Variants in FBXO38 observed in about 807,000 individuals in gnomAD.
FBXO38 encodes the protein F-box only protein 38.
FBXO38 carries 53 observed loss-of-function variants against 131.9 expected under a neutral mutation model. The ratio of observed to expected loss-of-function variants is 0.40; its 90% CI spans 0.32 to 0.51. The LOEUF (loss-of-function observed/expected upper bound fraction) is 0.51. Among genes scored for constraint, FBXO38 ranks in the 20% least tolerant of loss-of-function variants. The pLI, the probability that FBXO38 is intolerant of heterozygous loss-of-function variation, is 0.53. For missense variants in FBXO38, 1,076 were observed against 1,475.6 expected (o/e 0.73, Z 4.44); for synonymous variants, 452 against 505.6 (o/e 0.89, Z 1.42).
chr5:148,406,109 C>A, intron 6 of FBXO38, 148 bp from the exon 7 acceptor site: 1 of 685,910 alleles, frequency 1.5e-6, no homozygotes, highest in South Asian at 2.7e-5. Context: ...CTAACACTTT[C>A]ATTTGTAACA....
rs1382575969 is a variant in FBXO38 at position 148,394,923 on chromosome 5, G to C, written c.128+19G>C. ...TTTTTAGGTAAGATTGTGTTTGGTT[G>C]GCTTACCTGCCTGGAATGGATAAGA... On this transcript the variant is annotated intron_variant, in intron 2 of 21. Transcript: ENST00000340253. 1 of 1,551,110 alleles carries C rather than the reference G, an allele frequency of 6.4e-7. No individual in the cohort carries two copies. Among genetic ancestry groups the C allele is most frequent in the East Asian group, 2.4e-5 (1 of 41,284 alleles).
At chr5:148,441,058 A>G in intron 20 of FBXO38, 66 bp from the exon 21 acceptor site, 1 of 1,016,626 alleles carries the variant, frequency 9.8e-7, no homozygotes, top group Middle Eastern at 2.0e-4. Flanking sequence ...CTGCTTACAA[A>G]ATACTGCAGA....
Position 148,424,110 on chromosome 5 carries a change from A to G in FBXO38, c.1731A>G (p.Glu577=), listed in dbSNP as rs1466970817. Residue 577 remains glutamate, a synonymous_variant, in exon 13 of 22, where the codon GAA becomes GAG. Coordinates refer to ENST00000340253, the MANE Select transcript of FBXO38 (RefSeq NM_205836.3). ...TTATTCCTGTGGATGTTGATGAGGAACAAGCAGGTAATCATGTGATCCATC... is the reference window on the plus strand; with the variant it reads ...TTATTCCTGTGGATGTTGATGAGGAGCAAGCAGGTAATCATGTGATCCATC... The part of the protein sequence containing the change: ...QAIIPVDVDE[E]QAGPSGLQRV... 6.2e-7 allele frequency: 1 copy of G among 1,612,454 alleles called. No individual in the cohort carries two copies. Among genetic ancestry groups the G allele is most frequent in the Non-Finnish European group, 8.5e-7 (1 of 1,179,248 alleles).
Position 148,427,260 on chromosome 5 carries a change from C to T in FBXO38, c.1966C>T (p.Gln656Ter). ...ACTTCGAAAGAGGTACAACTCCCATCAGATGGGCCAGTCGAAGCAGTTTCC... is the reference window on the plus strand; with the variant it reads ...ACTTCGAAAGAGGTACAACTCCCATTAGATGGGCCAGTCGAAGCAGTTTCC... ...TPLRKRYNSHQMGQSKQFPLE... is the reference protein window; with the variant it reads ...TPLRKRYNSH The change falls in exon 15 of 22, where the codon CAG becomes TAG. Residue 656 changes from glutamine (Q) to a stop codon, truncating the protein, a stop_gained. Coordinates refer to ENST00000340253, the MANE Select transcript of FBXO38 (RefSeq NM_205836.3). LOFTEE classifies it high-confidence loss of function. 1 of 1,613,934 alleles carries T rather than the reference C, an allele frequency of 6.2e-7. No homozygotes were observed. Among genetic ancestry groups the T allele is most frequent in the Non-Finnish European group, 8.5e-7 (1 of 1,179,910 alleles).
At chr5:148,386,409 A>G (rs2113470835) in intron 1 of FBXO38, among the ~76,000 whole-genome samples, 1 of 152,266 alleles carries the variant, frequency 6.6e-6, no homozygotes. Context: ...TGGGATCACT[A>G]GATGAGCTTC....
At chr5:148,404,893 A>G (rs771350091) in intron 6 of FBXO38, 71 bp downstream of exon 6, 55 of 1,330,178 alleles carry the variant, frequency 4.1e-5, no homozygotes, top group Admixed American at 5.9e-5. Flanking sequence ...AACTCTAGCT[A>G]CATTTGTAAA....
At chr5:148,438,051 A>G (rs1243179094) in intron 17 of FBXO38, among the ~76,000 whole-genome samples, 1 of 152,194 alleles carries the variant, frequency 6.6e-6, no homozygotes, top group African/African-American at 2.4e-5. Flanking sequence ...TTTTTAAATA[A>G]ATATTTCCTA....
Position 148,427,805 on chromosome 5 carries a change from T to G in FBXO38, c.2511T>G (p.Ser837Arg). The change falls in exon 15 of 22, where the codon AGT (serine) becomes AGG (arginine). Residue 837 changes from serine (S) to arginine (R), a missense_variant. Ser to Arg is a moderately radical substitution (Grantham distance 110, BLOSUM62 -1). Coordinates refer to ENST00000340253, the MANE Select transcript of FBXO38 (RefSeq NM_205836.3). ...GPAHDERTNGSGSGATGEDRR... is the reference protein window; with the variant it reads ...GPAHDERTNGRGSGATGEDRR... The stretch of plus-strand genomic sequence containing the variant: ...CACATGATGAGAGGACTAATGGGAG[T>G]GGCTCTGGGGCTACAGGTGAGGACA... 6.2e-7 allele frequency: 1 copy of G among 1,605,410 alleles called. No homozygotes were observed. Among genetic ancestry groups the G allele is most frequent in the African/African-American group, 1.3e-5 (1 of 74,478 alleles).
chr5:148,395,017 A>T (rs930575069), intron 2 of FBXO38, 113 bp downstream of exon 2: 1 of 1,132,662 alleles, frequency 8.8e-7, no homozygotes, highest in African/African-American at 1.6e-5. Flanking sequence ...ATTTCAATTA[A>T]GTAAAAATGT....
chr5:148,404,899 G>C (rs1168960076), intron 6 of FBXO38, 77 bp downstream of exon 6: 2 of 1,266,168 alleles, frequency 1.6e-6, no homozygotes, highest in Admixed American at 6.1e-5. Flanking sequence ...AGCTACATTT[G>C]TAAATACAAT....
chr5:148,440,518 A>G lies in FBXO38; in HGVS notation c.3265A>G (p.Thr1089Ala), dbSNP rs1049321456. Residue 1089 changes from threonine to alanine, a missense_variant, in exon 20 of 22, where the codon ACT becomes GCT. Thr to Ala is a moderately conservative substitution (Grantham distance 58). Around this residue, in one of 8 missense-constraint regions of FBXO38, gnomAD observed 282 missense variants for 418.8 expected, o/e 0.67. Coordinates refer to ENST00000340253, the MANE Select transcript of FBXO38 (RefSeq NM_205836.3). ...GTACCCCTGGGGGAGAGAAATCTAT[A>G]CTTTAGAAGGTGAGTATTTACAAAT... ...PKYPWGREIY[T>A]LEGVVDGAPY... 1 of 1,585,296 alleles carries G rather than the reference A, an allele frequency of 6.3e-7. No homozygotes were observed. The highest frequency in any genetic ancestry group is 8.7e-7 in the Non-Finnish European group (1 of 1,154,650).
chr5:148,406,337 C>A lies in FBXO38; in HGVS notation c.811C>A (p.Arg271=), dbSNP rs766246325. The A allele has an allele frequency of 1.2e-6, 2 of 1,608,320 alleles. No individual in the cohort carries two copies. Among genetic ancestry groups the A allele is most frequent in the Non-Finnish European group, 1.7e-6 (2 of 1,177,136 alleles). Reference sequence around the variant, plus strand: ...AAACTTGGAACACTTAGAAATGGTTCGAGTTCCTTTCCTTGGAGGTCTTAT... The same window carrying A: ...AAACTTGGAACACTTAGAAATGGTTAGAGTTCCTTTCCTTGGAGGTCTTAT... ...ARNLEHLEMV[R]VPFLGGLIQH... The change falls in exon 7 of 22, where the codon CGA becomes AGA. Residue 271 remains arginine (R), a synonymous_variant. Coordinates refer to ENST00000340253, the MANE Select transcript of FBXO38 (RefSeq NM_205836.3).
intron 7 of FBXO38, 81 bp downstream of exon 7, chr5:148,406,475 C>G: frequency 8.4e-7 from 1 of 1,192,456 alleles, no homozygotes; most frequent in South Asian, 1.9e-5. Context: ...ACTTCCCTGG[C>G]AAGTCTTTAA....
chr5:148,433,779 A>G (rs1269717065), intron 17 of FBXO38, 42 bp downstream of exon 17: 1 of 1,123,800 alleles, frequency 8.9e-7, no homozygotes, highest in South Asian at 1.4e-5. Flanking sequence ...ATCATGAATG[A>G]GTTAAAAGAA....
At chr5:148,393,360 G>C (rs1206769894) in intron 1 of FBXO38, among the ~76,000 whole-genome samples, 1 of 152,044 alleles carries the variant, frequency 6.6e-6, no homozygotes, top group Non-Finnish European at 1.5e-5. Flanking sequence ...TAGCCTAGTA[G>C]AGTGTCCATT....
intron 1 of FBXO38, among the ~76,000 whole-genome samples, chr5:148,393,046 A>G (rs1326390464): frequency 3.3e-5 from 5 of 152,120 alleles, no homozygotes; most frequent in Non-Finnish European, 7.3e-5. Context: ...CTTAGCCAAA[A>G]TGTGATAGAC....
At chr5:148,402,608 C>G in intron 5 of FBXO38, 95 bp downstream of exon 5, 1 of 1,105,508 alleles carries the variant, frequency 9.0e-7, no homozygotes, top group African/African-American at 1.6e-5. Flanking sequence ...TTAGAGATGG[C>G]TTTGTTGATT....
At chr5:148,432,663 C>A (rs1423784382) in intron 15 of FBXO38, among the ~76,000 whole-genome samples, 1 of 152,202 alleles carries the variant, frequency 6.6e-6, no homozygotes, top group Non-Finnish European at 1.5e-5. Context: ...ACCTGTGATG[C>A]ATTCATTCAT....
chr5:148,414,251 A>G lies in FBXO38; in HGVS notation c.1209A>G (p.Lys403=), dbSNP rs779076113. The G allele has an allele frequency of 1.2e-6, 2 of 1,607,006 alleles. No homozygotes were observed. Among genetic ancestry groups the G allele is most frequent in the Non-Finnish European group, 1.7e-6 (2 of 1,176,718 alleles). The change falls in exon 10 of 22, where the codon AAA becomes AAG. Residue 403 remains lysine (K), a synonymous_variant. Coordinates refer to ENST00000340253, the MANE Select transcript of FBXO38 (RefSeq NM_205836.3). ...TCAATGAAGTTTTTTCCTGTATCAA[A>G]TATCTGGCAATTTACAATTGCCCTC... ...KAVNEVFSCI[K]YLAIYNCPHL...
Sources: gnomAD v4.1 joint callset for allele counts (sites outside exome capture counted in the v4.1 genomes callset) on GRCh38, gnomAD v4.1.1 for gene constraint, gnomAD v4.1.1 regional missense constraint, MANE v1.5 for transcripts, NCBI Gene and HGNC (gene_info 2026-07-23, HGNC 2026-07-21) for gene names.